The following AGBL1 variants were observed in gnomAD, a reference collection of about 807,000 sequenced individuals.
AGBL1 encodes AGBL carboxypeptidase 1, also known as cytosolic carboxypeptidase 4.
In AGBL1, 130 loss-of-function variants were observed where a neutral mutation model predicts 118.9. The observed-to-expected ratio is 1.09, with a 90% CI of 0.95 to 1.26. AGBL1 has a LOEUF of 1.26. Ranked by LOEUF, AGBL1 falls within the 50% of genes most tolerant of loss-of-function variation. AGBL1 has a pLI of 0.00. For synonymous variants in AGBL1, 555 were observed against 478.9 expected (o/e 1.16, Z -2.08); for missense variants, 1,584 against 1,298.1 (o/e 1.22, Z -3.38).
intron 1 of AGBL1, among the ~76,000 whole-genome samples, chr15:86,128,537 C>T (rs2076777437): frequency 6.6e-6 from 1 of 152,224 alleles, no homozygotes; most frequent in Admixed American, 6.5e-5. Context: ...GAAGCTGGAT[C>T]ACCAGGCGCA....
At position 86,497,486 on chromosome 15, in the gene AGBL1, G is replaced by A. The variant is rs181848240; in HGVS notation, c.2556-25324G>A. Among the ~76,000 whole-genome samples the A allele has an allele frequency of 3.9e-5, 6 of 151,916 alleles. No homozygotes were observed. In the South Asian group the frequency reaches 6.2e-4, roughly 16 times the overall value. The stretch of plus-strand genomic sequence containing the variant: ...GCTTTGAAGAGAATGTGGCTTTTCC[G>A]TTTGATAATTTTCAAAACATTTCTG... On this transcript the variant is annotated intron_variant, in intron 18 of 22. Transcript: ENST00000614907.
intron 18 of AGBL1, among the ~76,000 whole-genome samples, chr15:86,451,926 C>G (rs1233672762): frequency 6.6e-6 from 1 of 152,080 alleles, no homozygotes; most frequent in East Asian, 1.9e-4. Context: ...GCCTGGCATT[C>G]AAGACCGTAA....
intron 5 of AGBL1, among the ~76,000 whole-genome samples, chr15:86,160,792 TCTC>T (rs1468590337): frequency 6.6e-6 from 1 of 152,168 alleles, no homozygotes; most frequent in Non-Finnish European, 1.5e-5. Context: ...CACTCAGTCT[TCTC>T]CTCTGCCACT....
At chr15:86,933,600 T>C (rs1305775235) in intron 23 of AGBL1, among the ~76,000 whole-genome samples, 1 of 152,202 alleles carries the variant, frequency 6.6e-6, no homozygotes, top group East Asian at 1.9e-4. Context: ...TACCACAGTC[T>C]CAGGGAATTG....
At chr15:86,107,371 A>C (rs1211300116) in intron 1 of AGBL1, among the ~76,000 whole-genome samples, 1 of 152,206 alleles carries the variant, frequency 6.6e-6, no homozygotes, top group Non-Finnish European at 1.5e-5. Context: ...ACTGCATATA[A>C]ACTATGTGCT....
intron 6 of AGBL1, among the ~76,000 whole-genome samples, chr15:86,226,373 GGGAAAGAA>G (rs2078363048): frequency 6.6e-6 from 1 of 152,154 alleles, no homozygotes; most frequent in African/African-American, 2.4e-5. Context: ...GTCATGCCTT[GGGAAAGAA>G]GCTATCTCTC....
At chr15:86,927,096 G>A (rs867400098) in intron 23 of AGBL1, among the ~76,000 whole-genome samples, 13 of 151,476 alleles carry the variant, frequency 8.6e-5, no homozygotes, top group African/African-American at 3.2e-4. Context: ...CCGAGTTCAT[G>A]CCATTGCACT....
At chr15:86,136,939 C>A (rs913231342) in intron 1 of AGBL1, among the ~76,000 whole-genome samples, 1 of 152,142 alleles carries the variant, frequency 6.6e-6, no homozygotes, top group African/African-American at 2.4e-5. Context: ...TTGGTAGATA[C>A]ATTTTTTTAT....
At chr15:86,747,402 A>G (rs1401895701) in intron 22 of AGBL1, among the ~76,000 whole-genome samples, 2 of 152,144 alleles carry the variant, frequency 1.3e-5, no homozygotes, top group East Asian at 1.9e-4. Flanking sequence ...AAATAATAAA[A>G]CATACAAAAT....
At chr15:86,737,611 G>C (rs1024072106) in intron 22 of AGBL1, among the ~76,000 whole-genome samples, 3 of 152,042 alleles carry the variant, frequency 2.0e-5, no homozygotes. Flanking sequence ...TTCCTCCTAC[G>C]TAGGGTATGT....
intron 21 of AGBL1, among the ~76,000 whole-genome samples, chr15:86,608,492 T>G (rs945755915): frequency 1.3e-5 from 2 of 152,200 alleles, no homozygotes; most frequent in Non-Finnish European, 2.9e-5. Flanking sequence ...TCAAACTGAA[T>G]AGCCTTGCAA....
intron 6 of AGBL1, among the ~76,000 whole-genome samples, chr15:86,231,084 A>G (rs1010259109): frequency 3.4e-4 from 52 of 152,340 alleles, no homozygotes; most frequent in African/African-American, 1.2e-3. Flanking sequence ...AACACTGTTC[A>G]TAGAACCTTA....
At chr15:86,252,224 T>C (rs1289648720) in intron 7 of AGBL1, among the ~76,000 whole-genome samples, 2 of 152,176 alleles carry the variant, frequency 1.3e-5, no homozygotes, top group African/African-American at 4.8e-5. Flanking sequence ...CACCATTTGC[T>C]CAGAAAGCAC....
intron 21 of AGBL1, among the ~76,000 whole-genome samples, chr15:86,657,116 T>C (rs2085473297): frequency 6.6e-6 from 1 of 152,176 alleles, no homozygotes; most frequent in African/African-American, 2.4e-5. Flanking sequence ...CTCAGTGTGA[T>C]TTCTTTTGCT....
At chr15:86,082,179 C>T (rs1287786838) in intron 1 of AGBL1, among the ~76,000 whole-genome samples, 1 of 152,160 alleles carries the variant, frequency 6.6e-6, no homozygotes, top group Non-Finnish European at 1.5e-5. Context: ...AAAAGAGAAC[C>T]CAGAACATAT....
chr15:86,324,289 A>G (rs1318883345), intron 17 of AGBL1, among the ~76,000 whole-genome samples: 3 of 152,208 alleles, frequency 2.0e-5, no homozygotes, highest in African/African-American at 7.2e-5. Flanking sequence ...GGGAGCTTAA[A>G]ACTCTACCCG....
chr15:86,726,632 A>G (rs973304097), intron 22 of AGBL1, among the ~76,000 whole-genome samples: 2 of 152,154 alleles, frequency 1.3e-5, no homozygotes, highest in Non-Finnish European at 2.9e-5. Context: ...TACAGTCACT[A>G]CTTACTGCAG....
chr15:86,693,867 T>A (rs559043074), intron 22 of AGBL1, among the ~76,000 whole-genome samples: 1 of 152,178 alleles, frequency 6.6e-6, no homozygotes, highest in African/African-American at 2.4e-5. Flanking sequence ...TTCCCCACTT[T>A]ATGTTTTTAT....
chr15:86,815,370 A>C (rs559464094), intron 22 of AGBL1, among the ~76,000 whole-genome samples: 2 of 152,316 alleles, frequency 1.3e-5, no homozygotes, highest in South Asian at 4.1e-4. Flanking sequence ...ACCAATTTCT[A>C]GTGTGGTGTT....
Sources: allele counts gnomAD v4.1 joint callset (sites outside exome capture counted in the v4.1 genomes callset), GRCh38; gene constraint gnomAD v4.1.1; transcripts MANE v1.5; gene names NCBI Gene and HGNC (gene_info 2026-07-23, HGNC 2026-07-21).